Variants in FHIT observed in about 807,000 individuals in gnomAD.
The protein encoded by FHIT is fragile histidine triad diadenosine triphosphatase.
Under a neutral mutation model 17.9 loss-of-function variants are expected in FHIT, and 19 were observed. That is an observed-to-expected ratio of 1.06 (90% CI 0.74 to 1.56). FHIT has a LOEUF of 1.56. Ranked by LOEUF, FHIT falls within the 40% of genes most tolerant of loss-of-function variation. The probability of loss-of-function intolerance (pLI) is 0.00; values close to 1 mark genes in which losing one functional copy is unlikely to be tolerated. For missense variants in FHIT, 248 were observed against 189.2 expected (o/e 1.31, Z -1.82); for synonymous variants, 81 against 69.7 (o/e 1.16, Z -0.81).
chr3:60,917,178 C>T (rs1237179251), intron 3 of FHIT, among the ~76,000 whole-genome samples: 1 of 152,158 alleles, frequency 6.6e-6, no homozygotes, highest in African/African-American at 2.4e-5. Flanking sequence ...TAAATGCCAA[C>T]AGAGAATACT....
chr3:60,863,720 C>T (rs1032758542), intron 3 of FHIT, among the ~76,000 whole-genome samples: 2 of 152,122 alleles, frequency 1.3e-5, no homozygotes, highest in African/African-American at 2.4e-5. Context: ...CTGTTTATAA[C>T]AGCTCATAAT....
chr3:60,283,812 G>A lies in FHIT; in HGVS notation c.103+253048C>T, dbSNP rs144231208. The stretch of plus-strand genomic sequence containing the variant: ...AAAAAGAGGTTGAGAAGAGTGCACC[G>A]AAAGAGGTAAAAAAAGGAGACTATG... On this transcript the variant is annotated intron_variant, in intron 5 of 9. Transcript: ENST00000492590. Among the ~76,000 whole-genome samples, 360 of 139,284 alleles carry A rather than the reference G, an allele frequency of 2.6e-3. 2 individuals carry two copies. Among genetic ancestry groups the A allele is most frequent in the African/African-American group, 8.1e-3 (312 of 38,598 alleles). The allele number at this position is 139,284 out of a possible 152,430, so 91.4% of individuals were successfully genotyped here.
At chr3:60,051,107 G>A (rs1198649427) in intron 5 of FHIT, among the ~76,000 whole-genome samples, 1 of 152,084 alleles carries the variant, frequency 6.6e-6, no homozygotes, top group African/African-American at 2.4e-5. Flanking sequence ...GGGAGCTTCT[G>A]GTCTGCATAA....
At chr3:59,905,751 A>C (rs938389878) in intron 8 of FHIT, among the ~76,000 whole-genome samples, 1 of 152,232 alleles carries the variant, frequency 6.6e-6, no homozygotes, top group Non-Finnish European at 1.5e-5. Context: ...GAAAACCCGA[A>C]TACGTAACTT....
At chr3:61,044,579 A>T (rs908490844) in intron 2 of FHIT, among the ~76,000 whole-genome samples, 5 of 152,132 alleles carry the variant, frequency 3.3e-5, no homozygotes, top group African/African-American at 9.7e-5. Flanking sequence ...ATCCAGGAGA[A>T]CTTCCCCAAT....
intron 9 of FHIT, chr3:59,750,206 C>A (rs1559567705): frequency 4.4e-6 from 1 of 225,882 alleles, no homozygotes. Context: ...AAGTTTGAAT[C>A]TTCTTAAAGT....
chr3:60,008,172 G>C (rs553380591), intron 7 of FHIT, among the ~76,000 whole-genome samples: 1 of 152,252 alleles, frequency 6.6e-6, no homozygotes, highest in South Asian at 2.1e-4. Context: ...CACCAGGACA[G>C]AGAGTAGGGG....
At chr3:59,848,004 G>A (rs2106778407) in intron 8 of FHIT, among the ~76,000 whole-genome samples, 1 of 152,296 alleles carries the variant, frequency 6.6e-6, no homozygotes, top group South Asian at 2.1e-4. Context: ...CAGCTAGAGA[G>A]GAAGGTACAA....
chr3:60,460,889 T>C (rs1301722064), intron 5 of FHIT, among the ~76,000 whole-genome samples: 3 of 152,190 alleles, frequency 2.0e-5, no homozygotes, highest in Admixed American at 6.5e-5. Context: ...ATGTTGGAAG[T>C]AGTGAATCAA....
At chr3:60,311,406 C>CACAT (rs1246927571) in intron 5 of FHIT, among the ~76,000 whole-genome samples, 5 of 152,246 alleles carry the variant, frequency 3.3e-5, no homozygotes, top group African/African-American at 1.2e-4. Context: ...AGGAGACACA[C>CACAT]ACATATCTCT....
intron 4 of FHIT, among the ~76,000 whole-genome samples, chr3:60,542,999 G>C (rs767921188): frequency 9.2e-5 from 14 of 152,282 alleles, no homozygotes; most frequent in Non-Finnish European, 1.6e-4. Flanking sequence ...TCCTGGGAAT[G>C]ATTACAGTAA....
intron 1 of FHIT, among the ~76,000 whole-genome samples, chr3:61,209,889 T>C (rs1432386975): frequency 6.6e-6 from 1 of 152,248 alleles, no homozygotes; most frequent in South Asian, 2.1e-4. Flanking sequence ...AGAGGCACTC[T>C]GATTTTTAGA....
intron 5 of FHIT, among the ~76,000 whole-genome samples, chr3:60,511,811 TATAG>T: frequency 6.6e-6 from 1 of 152,264 alleles, no homozygotes; most frequent in Non-Finnish European, 1.5e-5. Flanking sequence ...GAGGACAGCT[TATAG>T]ATAAATAGGG....
At position 60,925,795 on chromosome 3, in the gene FHIT, T is replaced by G. The variant is rs554739062; in HGVS notation, c.-110-103784A>C. Among the ~76,000 whole-genome samples, 281 of 152,276 alleles carry G rather than the reference T, an allele frequency of 1.8e-3. 2 individuals carry two copies. In the South Asian group the frequency reaches 0.024, roughly 13 times the overall value. ...TGGATAAAGAGTCAAGACCCATCAGTGTGCTGTATTCAGACCCATCTCACA... is the reference window on the plus strand; with the variant it reads ...TGGATAAAGAGTCAAGACCCATCAGGGTGCTGTATTCAGACCCATCTCACA... On this transcript the variant is annotated intron_variant, in intron 3 of 9. Coordinates refer to ENST00000492590, the MANE Select transcript of FHIT (RefSeq NM_002012.4).
intron 2 of FHIT, among the ~76,000 whole-genome samples, chr3:61,137,182 TATATC>T (rs1261374854): frequency 6.6e-6 from 1 of 152,080 alleles, no homozygotes; most frequent in African/African-American, 2.4e-5. Context: ...ACTCCAGTTT[TATATC>T]ATATCCCTGC....
chr3:59,991,682 C>A (rs774501877), intron 7 of FHIT, among the ~76,000 whole-genome samples: 10 of 152,130 alleles, frequency 6.6e-5, no homozygotes, highest in Non-Finnish European at 1.5e-4. Context: ...ATTCCGAGAG[C>A]AGACCCTGGC....
At chr3:60,453,622 T>C (rs868367318) in intron 5 of FHIT, among the ~76,000 whole-genome samples, 12 of 152,284 alleles carry the variant, frequency 7.9e-5, no homozygotes, top group African/African-American at 2.9e-4. Context: ...ATCCTAGCCC[T>C]GACTCTATGT....
intron 3 of FHIT, among the ~76,000 whole-genome samples, chr3:60,852,518 C>T (rs1703193513): frequency 6.6e-6 from 1 of 152,214 alleles, no homozygotes; most frequent in African/African-American, 2.4e-5. Context: ...CAACTTTCTT[C>T]ATCAGTCTGG....
chr3:60,040,824 G>A (rs1220474553), intron 5 of FHIT, among the ~76,000 whole-genome samples: 1 of 152,074 alleles, frequency 6.6e-6, no homozygotes, highest in African/African-American at 2.4e-5. Context: ...CATGATTTCT[G>A]TTTCTTTGAG....
Sources: allele counts gnomAD v4.1 joint callset (sites outside exome capture counted in the v4.1 genomes callset), GRCh38; gene constraint gnomAD v4.1.1; transcripts MANE v1.5; gene names NCBI Gene and HGNC (gene_info 2026-07-23, HGNC 2026-07-21).